Variants in ANKRD31 observed in about 807,000 individuals in gnomAD.
ANKRD31 encodes ankyrin repeat domain 31.
A neutral mutation model predicts 186.0 loss-of-function variants in ANKRD31; 147 were observed. That is an observed-to-expected ratio of 0.79 (90% CI 0.69 to 0.91). The LOEUF (loss-of-function observed/expected upper bound fraction) is 0.91. Among genes scored for constraint, ANKRD31 ranks in the 40% least tolerant of loss-of-function variants. The pLI is 0.00. For missense variants in ANKRD31, 1,986 were observed against 2,148.8 expected, an observed-to-expected ratio of 0.92 and a Z score of 1.50; for synonymous variants, 673 against 736.4, an observed-to-expected ratio of 0.91 and a Z score of 1.39.
At chr5:75,191,294 C>T (rs982609000) in intron 9 of ANKRD31, among the ~76,000 whole-genome samples, 5 of 152,186 alleles carry the variant, frequency 3.3e-5, no homozygotes, top group East Asian at 1.9e-4. Flanking sequence ...ATATCTTTCC[C>T]GTATCTCACT....
At chr5:75,086,100 C>A (rs1348570450) in intron 23 of ANKRD31, among the ~76,000 whole-genome samples, 1 of 152,180 alleles carries the variant, frequency 6.6e-6, no homozygotes, top group Non-Finnish European at 1.5e-5. Flanking sequence ...GTGTTATGCC[C>A]TGACAATGTC....
At chr5:75,207,529 A>G (rs1444884137) in intron 4 of ANKRD31, among the ~76,000 whole-genome samples, 1 of 152,178 alleles carries the variant, frequency 6.6e-6, no homozygotes, top group East Asian at 1.9e-4. Flanking sequence ...GAATAATTAA[A>G]TGAATTATAG....
intron 17 of ANKRD31, among the ~76,000 whole-genome samples, chr5:75,136,372 T>C (rs1325613968): frequency 6.6e-6 from 1 of 152,116 alleles, no homozygotes; most frequent in Non-Finnish European, 1.5e-5. Flanking sequence ...CAGACACTTC[T>C]CAAAAGAAGA....
intron 23 of ANKRD31, among the ~76,000 whole-genome samples, chr5:75,087,047 C>T (rs1178905101): frequency 2.0e-5 from 3 of 152,022 alleles, no homozygotes; most frequent in African/African-American, 7.2e-5. Flanking sequence ...TTATTAATTG[C>T]CATAATAAAT....
At chr5:75,190,088 C>A (rs539153520) in intron 9 of ANKRD31, among the ~76,000 whole-genome samples, 4 of 151,760 alleles carry the variant, frequency 2.6e-5, no homozygotes, top group Non-Finnish European at 5.9e-5. Context: ...GGTGCAATCA[C>A]GGCTCATTGC....
intron 2 of ANKRD31, among the ~76,000 whole-genome samples, chr5:75,224,139 A>G (rs1486145226): frequency 1.6e-5 from 1 of 63,608 alleles, no homozygotes; most frequent in Non-Finnish European, 2.7e-5. Flanking sequence ...TTATATATAT[A>G]TATATATATA....
intron 15 of ANKRD31, among the ~76,000 whole-genome samples, chr5:75,139,228 A>G (rs1750827674): frequency 1.3e-5 from 2 of 152,194 alleles, no homozygotes; most frequent in African/African-American, 4.8e-5. Context: ...GATTAAAACA[A>G]ATTAACTTGC....
intron 3 of ANKRD31, among the ~76,000 whole-genome samples, chr5:75,217,932 C>T (rs573601677): frequency 2.4e-4 from 36 of 152,242 alleles, no homozygotes; most frequent in African/African-American, 8.2e-4. Flanking sequence ...CTTTTAGGAG[C>T]TCTTGTAAGG....
At chr5:75,135,973 G>C (rs796068367) in intron 17 of ANKRD31, among the ~76,000 whole-genome samples, 1 of 152,180 alleles carries the variant, frequency 6.6e-6, no homozygotes, top group African/African-American at 2.4e-5. Flanking sequence ...TATGCAGAAA[G>C]CTGAAACTGG....
At chr5:75,235,325 A>G (rs6889372) in intron 1 of ANKRD31, among the ~76,000 whole-genome samples, 1 of 147,966 alleles carries the variant, frequency 6.8e-6, no homozygotes, top group Non-Finnish European at 1.5e-5. Context: ...GGCTCATAGC[A>G]ACCTCTGCCT....
chr5:75,099,922 C>T (rs1429834472), intron 22 of ANKRD31, among the ~76,000 whole-genome samples: 2 of 151,998 alleles, frequency 1.3e-5, no homozygotes, highest in African/African-American at 4.8e-5. Flanking sequence ...CTCTATTTCC[C>T]TCAGTTCTGC....
At position 75,195,966 on chromosome 5, in the gene ANKRD31, G is replaced by A. The variant is rs1755441567; in HGVS notation, c.682C>T (p.Leu228Phe). The change falls in exon 7 of 26, where the codon CTT (leucine) becomes TTT (phenylalanine). Residue 228 changes from leucine (L) to phenylalanine (F), a missense_variant. Leu to Phe is a conservative substitution (Grantham distance 22, BLOSUM62 0). Transcript: ENST00000506364. ...ETFVSALESL[L>F]TSPESTQEER... is the part of the protein sequence containing the mutation. ...TCCTGGGTGCTTTCTGGTGATGTAAGTAAACTTTCTAAGGCAGACACAAAG... is the reference window on the plus strand; with the variant it reads ...TCCTGGGTGCTTTCTGGTGATGTAAATAAACTTTCTAAGGCAGACACAAAG... 3.3e-6 allele frequency: 5 copies of A among 1,532,082 alleles called. 1 individual carries two copies. Among genetic ancestry groups the A allele is most frequent in the Middle Eastern group, 1.7e-4 (1 of 5,962 alleles). 94.9% of individuals were successfully genotyped at this position (1,532,082 alleles called of 1,614,324 possible).
intron 18 of ANKRD31, 35 bp from the exon 19 acceptor site, chr5:75,116,716 T>C (rs759486679): frequency 2.7e-5 from 33 of 1,238,244 alleles, no homozygotes; most frequent in Middle Eastern, 2.2e-4. Context: ...ATAATAAGAA[T>C]GTGCAAAAAT....
chr5:75,102,478 A>C (rs1336312856), intron 22 of ANKRD31, among the ~76,000 whole-genome samples: 4 of 152,230 alleles, frequency 2.6e-5, no homozygotes, highest in Admixed American at 2.0e-4. Flanking sequence ...GGGACGTTTA[A>C]GTCTGCAGAA....
chr5:75,225,374 A>G (rs1757568505), intron 2 of ANKRD31: 1 of 154,680 alleles, frequency 6.5e-6, no homozygotes, highest in Non-Finnish European at 1.4e-5. Flanking sequence ...AGCTGGAGAG[A>G]CTCCGATGAC....
At chr5:75,092,840 C>T (rs1746027575) in intron 22 of ANKRD31, among the ~76,000 whole-genome samples, 1 of 151,894 alleles carries the variant, frequency 6.6e-6, no homozygotes, top group African/African-American at 2.4e-5. Flanking sequence ...TAAAGAAAAC[C>T]ATAATTAAAG....
intron 7 of ANKRD31, 48 bp downstream of exon 7, chr5:75,195,583 G>A (rs1755406376): frequency 7.1e-7 from 1 of 1,411,612 alleles, no homozygotes; most frequent in Non-Finnish European, 9.4e-7. Context: ...CAGCTAACTT[G>A]GAACCATGTT....
rs139126102 is a variant in ANKRD31 at position 75,178,398 on chromosome 5, C to T, written c.1565-9277G>A. On this transcript the variant is annotated intron_variant, in intron 10 of 25. Transcript: ENST00000506364. ...ACCAAGCAGACCCAATAGACATCTA[C>T]AGAACTCTCCACCCCAAATCATTAG... Among the ~76,000 whole-genome samples the T allele has an allele frequency of 8.4e-3, 1,277 of 152,316 alleles. 32 individuals are homozygous for T. Among genetic ancestry groups the T allele is most frequent in the African/African-American group, 0.029 (1,187 of 41,562 alleles).
At chr5:75,179,763 C>T (rs920783735) in intron 10 of ANKRD31, among the ~76,000 whole-genome samples, 1 of 152,116 alleles carries the variant, frequency 6.6e-6, no homozygotes, top group African/African-American at 2.4e-5. Context: ...ATGACAAACC[C>T]ACAGCCAATA....
Sources: gnomAD v4.1 joint callset for allele counts (sites outside exome capture counted in the v4.1 genomes callset) on GRCh38, gnomAD v4.1.1 for gene constraint, MANE v1.5 for transcripts, NCBI Gene and HGNC (gene_info 2026-07-23, HGNC 2026-07-21) for gene names.